The following SPTLC1 variants were observed in gnomAD, a reference collection of about 807,000 sequenced individuals.
SPTLC1 encodes the protein serine palmitoyltransferase 1.
In SPTLC1, 55 loss-of-function variants were observed where a neutral mutation model predicts 68.9. The ratio of observed to expected loss-of-function variants is 0.80; its 90% CI spans 0.64 to 1.00. SPTLC1 has a LOEUF of 1.00. SPTLC1 is among the 50% of genes least tolerant of loss of function. The probability of loss-of-function intolerance (pLI) is 0.00; values close to 1 mark genes in which losing one functional copy is unlikely to be tolerated. For missense variants in SPTLC1, 449 were observed against 573.1 expected (o/e 0.78, Z 2.21); for synonymous variants, 197 against 201.6 (o/e 0.98, Z 0.19).
rs764880662 is a variant in SPTLC1, at chr9:92,038,312, T to A, written c.1190A>T (p.Gln397Leu). 4 of 1,614,138 alleles carry A rather than the reference T, an allele frequency of 2.5e-6. No homozygotes were observed. The highest frequency in any genetic ancestry group is 3.4e-6 in the Non-Finnish European group (4 of 1,180,010). Residue 397 changes from glutamine (Q) to leucine (L), a missense_variant, in exon 13 of 15, where the codon CAA becomes CTA. By Grantham distance (113) the Gln-to-Leu change is moderately radical. Around this residue, in one of 3 missense-constraint regions of SPTLC1, gnomAD observed 391 missense variants for 472.1 expected, o/e 0.83. Transcript: ENST00000262554. Reference protein sequence around the residue: ...GESLSPAFHLQLEESTGSREQ... With the variant: ...GESLSPAFHLLLEESTGSREQ... ...GCGAGACCCAGTGCTCTCTTCCAGT[T>A]GTAGGTGAAAGGCTGGAGAAAGGGA...
chr9:92,114,314 A>G (rs1450069751), intron 1 of SPTLC1, among the ~76,000 whole-genome samples: 2 of 152,226 alleles, frequency 1.3e-5, no homozygotes, highest in Non-Finnish European at 2.9e-5. Flanking sequence ...CCCAATGAAT[A>G]GCTCTGCAAG....
In SPTLC1 at chr9:92,071,114, G is replaced by C. The variant is rs111366306; in HGVS notation, c.428-3016C>G. 1.5e-3 allele frequency among the ~76,000 whole-genome samples: 224 copies of C among 151,748 alleles called. 1 individual carries two copies. Among genetic ancestry groups the C allele is most frequent in the African/African-American group, 4.2e-3 (172 of 41,396 alleles). ...AAAAAAAAAAATCCCTAGAGGCCAG[G>C]TGTGGCGGCTCACACCTGTAATCCC... On this transcript the variant is annotated intron_variant, in intron 5 of 14. Coordinates refer to ENST00000262554, the MANE Select transcript of SPTLC1 (RefSeq NM_006415.4).
intron 5 of SPTLC1, among the ~76,000 whole-genome samples, chr9:92,073,952 C>T (rs1247639421): frequency 2.0e-5 from 3 of 152,212 alleles, no homozygotes; most frequent in Non-Finnish European, 2.9e-5. Flanking sequence ...GGGATTCCTT[C>T]TAAGCCATGC....
intron 3 of SPTLC1, among the ~76,000 whole-genome samples, chr9:92,105,722 G>A (rs1379890144): frequency 1.7e-4 from 25 of 148,758 alleles, no homozygotes; most frequent in East Asian, 2.0e-4. Context: ...CTGCCTGGCC[G>A]CCTCACAGCC....
At chr9:92,079,590 GT>G in intron 5 of SPTLC1, 1 of 1,587,960 alleles carries the variant, frequency 6.3e-7, no homozygotes, top group Non-Finnish European at 8.6e-7. Context: ...AAACTACACT[GT>G]TTATCCCCCC....
intron 3 of SPTLC1, among the ~76,000 whole-genome samples, chr9:92,083,579 T>C (rs1184906996): frequency 1.3e-5 from 2 of 152,236 alleles, no homozygotes; most frequent in Admixed American, 6.5e-5. Flanking sequence ...CTGAGGGCTC[T>C]GTTCTGTTCC....
chr9:92,108,393 A>AGGGTT, intron 3 of SPTLC1: 1 of 322,438 alleles, frequency 3.1e-6, no homozygotes, highest in East Asian at 7.8e-5. Flanking sequence ...CAGTATCTAG[A>AGGGTT]ATTATGAGGG....
At chr9:92,089,182 G>A (rs954134807) in intron 3 of SPTLC1, among the ~76,000 whole-genome samples, 8 of 152,098 alleles carry the variant, frequency 5.3e-5, no homozygotes, top group South Asian at 2.1e-4. Context: ...AGGCCGAGGC[G>A]AGCAGATTAC....
chr9:92,079,772 C>G (rs1834813086), intron 5 of SPTLC1: 2 of 651,632 alleles, frequency 3.1e-6, no homozygotes, highest in Admixed American at 5.0e-5. Flanking sequence ...GTTCCTCACG[C>G]TGCAATCCCC....
chr9:92,094,400 C>G (rs571333786), intron 3 of SPTLC1, among the ~76,000 whole-genome samples: 9 of 152,194 alleles, frequency 5.9e-5, no homozygotes, highest in African/African-American at 1.9e-4. Flanking sequence ...ATTCTTAGAC[C>G]CAGATTTTTG....
intron 3 of SPTLC1, among the ~76,000 whole-genome samples, chr9:92,105,788 G>T (rs556074224): frequency 6.7e-6 from 1 of 149,052 alleles, no homozygotes; most frequent in East Asian, 2.0e-4. Flanking sequence ...AGTAAGGAGC[G>T]CCTCTGCCTT....
At position 92,059,308 on chromosome 9, in the gene SPTLC1, T is replaced by C; in HGVS notation, c.561A>G (p.Val187=). Residue 187 remains valine, a splice_region_variant and synonymous_variant, in exon 7 of 15, where the codon GTA becomes GTG. Transcript: ENST00000262554. ...AYSKRGDIVF[V]DRAACFAIQK... The stretch of plus-strand genomic sequence containing the variant: ...GAATAGCAAAGCAGGCAGCTCTATC[T>C]CTGCAAGGAAAAGAGATCCACCAAA... The C allele has an allele frequency of 6.2e-7, 1 of 1,614,006 alleles. No homozygotes were observed. Among genetic ancestry groups the C allele is most frequent in the African/African-American group, 1.3e-5 (1 of 75,036 alleles).
At chr9:92,105,943 G>A (rs1383811026) in intron 3 of SPTLC1, among the ~76,000 whole-genome samples, 1 of 150,780 alleles carries the variant, frequency 6.6e-6, no homozygotes, top group African/African-American at 2.4e-5. Context: ...TGGGAAATGA[G>A]AAGCACCTCT....
intron 3 of SPTLC1, among the ~76,000 whole-genome samples, chr9:92,103,758 A>G (rs7037848): frequency 0.53 from 80,914 of 152,170 alleles, 24,739 homozygotes; most frequent in African/African-American, 0.85. Context: ...GGAGCCTGGC[A>G]GGATCTGGCT....
chr9:92,044,522 G>A (rs1229911898), intron 12 of SPTLC1, among the ~76,000 whole-genome samples: 1 of 152,222 alleles, frequency 6.6e-6, no homozygotes, highest in Non-Finnish European at 1.5e-5. Context: ...GCCAGTGTAA[G>A]TGAAGACGTG....
rs138663102 is a variant in SPTLC1, at chr9:92,040,479, C to T, written c.1137-2114G>A. 2.6e-3 allele frequency among the ~76,000 whole-genome samples: 392 copies of T among 152,212 alleles called. 2 individuals are homozygous for T. Among genetic ancestry groups the T allele is most frequent in the African/African-American group, 8.9e-3 (369 of 41,534 alleles). On this transcript the variant is annotated intron_variant, in intron 12 of 14. Coordinates refer to ENST00000262554, the MANE Select transcript of SPTLC1 (RefSeq NM_006415.4). The stretch of plus-strand genomic sequence containing the variant: ...TGGCCTCAATTTTCCTCAAGAAATA[C>T]AAGGCGCGATGGCTCACACCTATAA...
intron 12 of SPTLC1, among the ~76,000 whole-genome samples, chr9:92,045,515 CTT>C (rs1252835582): frequency 3.6e-5 from 1 of 27,398 alleles, no homozygotes; most frequent in African/African-American, 1.6e-4. Flanking sequence ...AAAAGTGACT[CTT>C]GTGTAGTAAA....
chr9:92,047,136 A>T (rs1300840517), intron 11 of SPTLC1, 36 bp downstream of exon 11: 1 of 1,535,288 alleles, frequency 6.5e-7, no homozygotes, highest in Admixed American at 1.7e-5. Flanking sequence ...GTAACCTGAA[A>T]TCTCTTTGAT....
chr9:92,075,831 C>G (rs916468411), intron 5 of SPTLC1, among the ~76,000 whole-genome samples: 4 of 152,166 alleles, frequency 2.6e-5, no homozygotes, highest in African/African-American at 9.7e-5. Context: ...GACTTCAACC[C>G]GGCCTCTCAC....
Sources: allele counts gnomAD v4.1 joint callset (sites outside exome capture counted in the v4.1 genomes callset), GRCh38; gene constraint gnomAD v4.1.1; regional missense constraint gnomAD v4.1.1; transcripts MANE v1.5; gene names NCBI Gene and HGNC (gene_info 2026-07-23, HGNC 2026-07-21).